Variants in NOX4 observed in about 807,000 individuals in gnomAD.
The protein encoded by NOX4 is kidney oxidase-1.
Under a neutral mutation model 87.6 loss-of-function variants are expected in NOX4, and 69 were observed. The observed-to-expected ratio is 0.79, with a 90% CI of 0.65 to 0.96. The LOEUF (loss-of-function observed/expected upper bound fraction) is 0.96. NOX4 is among the 40% of genes least tolerant of loss of function. The probability of loss-of-function intolerance (pLI) is 0.00; values close to 1 mark genes in which losing one functional copy is unlikely to be tolerated. For missense variants in NOX4, 680 were observed against 681.5 expected (o/e 1.00, Z 0.02); for synonymous variants, 275 against 238.2 (o/e 1.15, Z -1.42).
intron 11 of NOX4, among the ~76,000 whole-genome samples, chr11:89,375,751 A>C (rs1436865908): frequency 5.3e-5 from 8 of 152,220 alleles, no homozygotes; most frequent in Admixed American, 5.2e-4. Flanking sequence ...TAAAAGTTGT[A>C]GCTCTCAGAA....
intron 17 of NOX4, among the ~76,000 whole-genome samples, chr11:89,334,386 A>G (rs1205792175): frequency 6.6e-6 from 1 of 151,762 alleles, no homozygotes; most frequent in African/African-American, 2.4e-5. Context: ...TCCCAAAACT[A>G]CTTCATCAAG....
intron 11 of NOX4, among the ~76,000 whole-genome samples, chr11:89,381,815 C>T (rs1173106776): frequency 6.6e-6 from 1 of 152,168 alleles, no homozygotes; most frequent in East Asian, 1.9e-4. Context: ...AATTTTAAAT[C>T]GGGTAAGCAG....
intron 13 of NOX4, among the ~76,000 whole-genome samples, chr11:89,345,317 C>T (rs1946170013): frequency 6.6e-6 from 1 of 152,094 alleles, no homozygotes; most frequent in African/African-American, 2.4e-5. Flanking sequence ...TACAGAGGGT[C>T]CCCAACTTAG....
At position 89,379,878 on chromosome 11, in the gene NOX4, C is replaced by T. The variant is rs564045381; in HGVS notation, c.1075-6386G>A. Among the ~76,000 whole-genome samples, 265 of 152,292 alleles carry T rather than the reference C, an allele frequency of 1.7e-3. 2 individuals carry two copies. Among genetic ancestry groups the T allele is most frequent in the African/African-American group, 6.3e-3 (261 of 41,560 alleles). ...CTTCGACTAGATGACTGCAACAGCT[C>T]CTAACTGGACCCCCTGTTTCTGCAC... On this transcript the variant is annotated intron_variant, in intron 11 of 17. Coordinates refer to ENST00000263317, the MANE Select transcript of NOX4 (RefSeq NM_016931.5).
chr11:89,525,701 T>A, the NOX4 span, among the ~76,000 whole-genome samples: 1,161 of 152,186 alleles, frequency 7.6e-3, 17 homozygotes, highest in Non-Finnish European at 7.9e-3. Flanking sequence ...ATGTCCATTG[T>A]AGAGCCAAAG....
rs535086994 is a variant in NOX4, at chr11:89,381,302, T to A, written c.1075-7810A>T. On this transcript the variant is annotated intron_variant, in intron 11 of 17. Transcript: ENST00000263317. ...AATACAGATGTCAGGAAAGCATGTTTGTGTCAGGCCTCCGAGCCCAAGCCT... is the reference window on the plus strand; with the variant it reads ...AATACAGATGTCAGGAAAGCATGTTAGTGTCAGGCCTCCGAGCCCAAGCCT... Among the ~76,000 whole-genome samples the A allele has an allele frequency of 4.3e-4, 65 of 152,272 alleles. 2 individuals carry two copies. The South Asian group carries it at 0.013, about 31-fold the overall frequency.
intron 2 of NOX4, among the ~76,000 whole-genome samples, chr11:89,479,620 C>G (rs757084386): frequency 6.6e-6 from 1 of 152,054 alleles, no homozygotes; most frequent in Non-Finnish European, 1.5e-5. Context: ...TCATGGGTTC[C>G]CATATCCATG....
chr11:89,537,346 A>G, the NOX4 span, among the ~76,000 whole-genome samples: 1 of 152,020 alleles, frequency 6.6e-6, no homozygotes, highest in Non-Finnish European at 1.5e-5. Context: ...TAAAAAGCAT[A>G]TTTATATCTT....
rs1415310470 is a variant in NOX4 at position 89,432,806 on chromosome 11, T to C, written c.526A>G (p.Thr176Ala). Residue 176 changes from threonine to alanine, a missense_variant, in exon 7 of 18, where the codon ACA becomes GCA. Thr to Ala is a moderately conservative substitution (Grantham distance 58, BLOSUM62 0). Transcript: ENST00000263317. ...TACCTTATTGCATATGTAGAGGCTG[T>C]GATCATGAGGAATAGCACCACCACC... ...CMVVVLFLMI[T>A]ASTYAIRVSN... 2 of 1,610,960 alleles carry C rather than the reference T, an allele frequency of 1.2e-6. No homozygotes were observed. The highest frequency in any genetic ancestry group is 1.7e-5 in the Admixed American group (1 of 59,852).
chr11:89,413,642 TAG>T (rs1384569543), intron 8 of NOX4, among the ~76,000 whole-genome samples: 1 of 151,984 alleles, frequency 6.6e-6, no homozygotes, highest in Non-Finnish European at 1.5e-5. Flanking sequence ...CTCGTGAAGA[TAG>T]AGAGTAGAAT....
chr11:89,453,316 C>T (rs1396806075), intron 2 of NOX4, among the ~76,000 whole-genome samples: 3 of 152,236 alleles, frequency 2.0e-5, no homozygotes, highest in East Asian at 1.9e-4. Flanking sequence ...TCTTTCTGTG[C>T]CTGGCTTATT....
At chr11:89,418,755 T>A (rs994193813) in intron 8 of NOX4, among the ~76,000 whole-genome samples, 1 of 151,990 alleles carries the variant, frequency 6.6e-6, no homozygotes, top group Non-Finnish European at 1.5e-5. Flanking sequence ...AGAATGGACA[T>A]CTTCAAAATT....
chr11:89,453,258 T>C (rs1945048414), intron 2 of NOX4, among the ~76,000 whole-genome samples: 1 of 152,138 alleles, frequency 6.6e-6, no homozygotes, highest in Admixed American at 6.5e-5. Flanking sequence ...ACTTCTATGA[T>C]TTCAACTCTT....
Position 89,353,002 on chromosome 11 carries a change from T to C in NOX4, c.1217+1960A>G, listed in dbSNP as rs555969245. Among the ~76,000 whole-genome samples, 73 of 152,226 alleles carry C rather than the reference T, an allele frequency of 4.8e-4. 2 individuals carry two copies. In the South Asian group the frequency reaches 0.015, roughly 32 times the overall value. ...AGCTGGCTAATTTTTGTATTTTTAGTAGAGATGGGTTTCACCATGTTGGCC... is the reference window on the plus strand; with the variant it reads ...AGCTGGCTAATTTTTGTATTTTTAGCAGAGATGGGTTTCACCATGTTGGCC... On this transcript the variant is annotated intron_variant, in intron 13 of 17. Transcript: ENST00000263317.
At position 89,402,632 on chromosome 11, in the gene NOX4, T is replaced by A. The variant is rs1411579855; in HGVS notation, c.630-90A>T. 4 of 1,049,154 alleles carry A rather than the reference T, an allele frequency of 3.8e-6. No individual in the cohort carries two copies. In the African/African-American group the frequency reaches 6.4e-5, roughly 17 times the overall value. 65.0% of individuals were successfully genotyped at this position (1,049,154 alleles called of 1,614,324 possible). A position where few individuals can be genotyped will look rare whatever the true frequency, so the allele number is the denominator to read the frequency against. ...AAAGAAAATAATGTTTTTGTTTTTG[T>A]TTTTGTTTGCTAACTTTACACAGCA... On this transcript the variant is annotated intron_variant, in intron 8 of 17. Coordinates refer to ENST00000263317, the MANE Select transcript of NOX4 (RefSeq NM_016931.5).
chr11:89,393,687 T>C (rs1399419248), intron 11 of NOX4, among the ~76,000 whole-genome samples: 2 of 152,162 alleles, frequency 1.3e-5, no homozygotes, highest in Non-Finnish European at 1.5e-5. Context: ...AAGGGTTTTA[T>C]ACACATTATT....
chr11:89,587,002 A>G, the NOX4 span, among the ~76,000 whole-genome samples: 1 of 152,268 alleles, frequency 6.6e-6, no homozygotes, highest in Non-Finnish European at 1.5e-5. Flanking sequence ...GAGAGATTTT[A>G]TTTAGTTTTA....
chr11:89,466,493 G>A (rs1945700637), intron 2 of NOX4, among the ~76,000 whole-genome samples: 1 of 152,062 alleles, frequency 6.6e-6, no homozygotes, highest in South Asian at 2.1e-4. Flanking sequence ...ATTGCCATAG[G>A]GTCACTGGAT....
chr11:89,504,822 G>T, the NOX4 span, among the ~76,000 whole-genome samples: 3 of 151,962 alleles, frequency 2.0e-5, no homozygotes, highest in Non-Finnish European at 4.4e-5. Context: ...GGACAATTCT[G>T]AATGTTAGAA....
Sources: allele counts gnomAD v4.1 joint callset (sites outside exome capture counted in the v4.1 genomes callset), GRCh38; gene constraint gnomAD v4.1.1; transcripts MANE v1.5; gene names NCBI Gene and HGNC (gene_info 2026-07-23, HGNC 2026-07-21).